LCLAT1: variants seen among roughly 807,000 people sequenced by gnomAD.
The protein encoded by LCLAT1 is lysocardiolipin acyltransferase 1, also known as 1-AGP acyltransferase 8.
In LCLAT1, 11 loss-of-function variants were observed where a neutral mutation model predicts 30.7. The ratio of observed to expected loss-of-function variants is 0.36; its 90% CI spans 0.23 to 0.59. LCLAT1 has a LOEUF of 0.59. Ranked by LOEUF, LCLAT1 falls within the 20% of genes least tolerant of loss-of-function variation. LCLAT1 has a pLI of 0.77. For synonymous variants in LCLAT1, 155 were observed against 151.3 expected (o/e 1.02, Z -0.18); for missense variants, 402 against 458.6 (o/e 0.88, Z 1.13).
intron 1 of LCLAT1, among the ~76,000 whole-genome samples, chr2:30,499,953 T>G (rs1684293075): frequency 6.6e-6 from 1 of 152,158 alleles, no homozygotes. Context: ...TTTTTGTAAA[T>G]CTAGAGAATA....
chr2:30,544,824 A>G (rs1347857001), intron 3 of LCLAT1, among the ~76,000 whole-genome samples: 1 of 152,032 alleles, frequency 6.6e-6, no homozygotes, highest in Admixed American at 6.6e-5. Flanking sequence ...TTCCTTCACT[A>G]CTGAGTGTTT....
At position 30,484,097 on chromosome 2, in the gene LCLAT1, A is replaced by T. The variant is rs1015703076; in HGVS notation, c.-5+36714A>T. Among the ~76,000 whole-genome samples the T allele has an allele frequency of 4.6e-5, 7 of 152,196 alleles. No homozygotes were observed. The South Asian group carries it at 6.2e-4, about 14-fold the overall frequency. ...GGTGGCCTCCCAGGAAAATTAGTCT[A>T]TTACCCATGTTTACATCTGATTTTG... On this transcript the variant is annotated intron_variant, in intron 1 of 5. Transcript: ENST00000379509.
At chr2:30,557,407 A>C (rs1664975600) in intron 3 of LCLAT1, among the ~76,000 whole-genome samples, 1 of 151,340 alleles carries the variant, frequency 6.6e-6, no homozygotes, top group Admixed American at 6.6e-5. Flanking sequence ...GAGTGGAAAA[A>C]TTCACATCAA....
chr2:30,559,117 T>C (rs1319106696), intron 3 of LCLAT1, among the ~76,000 whole-genome samples: 1 of 152,158 alleles, frequency 6.6e-6, no homozygotes, highest in Non-Finnish European at 1.5e-5. Flanking sequence ...TAAGAATATA[T>C]ACTGTGTGAT....
chr2:30,448,884 C>T (rs1681401081), intron 1 of LCLAT1, among the ~76,000 whole-genome samples: 2 of 152,196 alleles, frequency 1.3e-5, no homozygotes, highest in African/African-American at 4.8e-5. Context: ...TTCAAACAAT[C>T]TCATTGCACT....
Position 30,642,284 on chromosome 2 carries a change from TC to T in LCLAT1, c.*1670del, listed in dbSNP as rs1669354044. ...AACACACCAACCCATATTCCTCTGC[TC>T]CCCCAAAGCTGTTTCTGATCCTGCT... On this transcript the variant is annotated 3_prime_UTR_variant, in exon 6 of 6. Coordinates refer to ENST00000379509, the MANE Select transcript of LCLAT1 (RefSeq NM_001002257.3). The T allele has an allele frequency of 6.6e-6, 1 of 152,052 alleles. No homozygotes were observed. Among genetic ancestry groups the T allele is most frequent in the South Asian group, 2.1e-4 (1 of 4,814 alleles). 9.4% of individuals were successfully genotyped at this position (152,052 alleles called of 1,614,324 possible).
intron 5 of LCLAT1, among the ~76,000 whole-genome samples, chr2:30,589,305 T>TGACA (rs1666586194): frequency 6.6e-6 from 1 of 152,236 alleles, no homozygotes. Flanking sequence ...GAGTTGTATA[T>TGACA]GACACAATTA....
intron 1 of LCLAT1, among the ~76,000 whole-genome samples, chr2:30,471,721 G>T (rs893958022): frequency 1.3e-5 from 2 of 152,182 alleles, no homozygotes; most frequent in Admixed American, 1.3e-4. Flanking sequence ...TGGTTTTTGT[G>T]TGTTGATCTC....
chr2:30,537,487 G>T (rs1179405509), intron 3 of LCLAT1, among the ~76,000 whole-genome samples: 2 of 148,088 alleles, frequency 1.4e-5, no homozygotes, highest in Non-Finnish European at 3.0e-5. Flanking sequence ...GTGATAAAGG[G>T]ATCAATTCAG....
chr2:30,469,547 C>G (rs1303018478), intron 1 of LCLAT1, among the ~76,000 whole-genome samples: 1 of 147,330 alleles, frequency 6.8e-6, no homozygotes, highest in Non-Finnish European at 1.5e-5. Flanking sequence ...ATTCTGGACT[C>G]TCAATTAATT....
chr2:30,626,882 T>G (rs1668537404), intron 5 of LCLAT1, among the ~76,000 whole-genome samples: 2 of 152,176 alleles, frequency 1.3e-5, no homozygotes, highest in African/African-American at 2.4e-5. Flanking sequence ...CCATGGGTTA[T>G]CTAAACTTTT....
chr2:30,604,370 G>A (rs1667331044), intron 5 of LCLAT1, among the ~76,000 whole-genome samples: 1 of 152,066 alleles, frequency 6.6e-6, no homozygotes, highest in South Asian at 2.1e-4. Flanking sequence ...AATCAGCATT[G>A]GTAAGCGTTT....
intron 1 of LCLAT1, among the ~76,000 whole-genome samples, chr2:30,463,093 T>C (rs1682244858): frequency 6.6e-6 from 1 of 151,998 alleles, no homozygotes; most frequent in African/African-American, 2.4e-5. Flanking sequence ...AGCAAGATCC[T>C]CTCTCTTAAT....
chr2:30,521,492 CTTTTTTTTTTTTTTTTTTTTT>C (rs869093721), intron 1 of LCLAT1, among the ~76,000 whole-genome samples: 2 of 16,824 alleles, frequency 1.2e-4, no homozygotes, highest in South Asian at 1.7e-3. Context: ...ACTACTTCTT[CTTTTTTTTTTTTTTTTTTTTT>C]TTTTTTTTTT....
chr2:30,492,142 A>G (rs1683865141), intron 1 of LCLAT1, among the ~76,000 whole-genome samples: 1 of 152,238 alleles, frequency 6.6e-6, no homozygotes, highest in Admixed American at 6.5e-5. Flanking sequence ...AGGATGATAC[A>G]AGAATGGACG....
rs536386075 is a variant in LCLAT1, at chr2:30,459,373, C to G, written c.-5+11990C>G. Among the ~76,000 whole-genome samples the G allele has an allele frequency of 3.9e-5, 6 of 152,256 alleles. No homozygotes were observed. The South Asian group carries it at 1.0e-3, about 26-fold the overall frequency. ...CTCTCACCTCAGTCTTTTGGCATTCCCTTCCTAAGCACTATGACCCAGCTT... is the reference window on the plus strand; with the variant it reads ...CTCTCACCTCAGTCTTTTGGCATTCGCTTCCTAAGCACTATGACCCAGCTT... On this transcript the variant is annotated intron_variant, in intron 1 of 5. Transcript: ENST00000379509.
intron 1 of LCLAT1, among the ~76,000 whole-genome samples, chr2:30,506,295 T>G (rs1684657021): frequency 6.6e-6 from 1 of 152,112 alleles, no homozygotes; most frequent in African/African-American, 2.4e-5. Flanking sequence ...TTTTTTCTTT[T>G]GATGATTTGT....
chr2:30,587,971 C>G (rs575366707), intron 5 of LCLAT1, among the ~76,000 whole-genome samples: 1 of 152,362 alleles, frequency 6.6e-6, no homozygotes, highest in Admixed American at 6.5e-5. Flanking sequence ...TGGAAGCCTT[C>G]TTCAGCCTAG....
chr2:30,449,906 G>T (rs976062329), intron 1 of LCLAT1, among the ~76,000 whole-genome samples: 1 of 152,126 alleles, frequency 6.6e-6, no homozygotes, highest in South Asian at 2.1e-4. Context: ...AAAGAAAACT[G>T]ATTTTAGTTA....
Sources: allele counts gnomAD v4.1 joint callset (sites outside exome capture counted in the v4.1 genomes callset), GRCh38; gene constraint gnomAD v4.1.1; transcripts MANE v1.5; gene names NCBI Gene and HGNC (gene_info 2026-07-23, HGNC 2026-07-21).